Variants in APBA1 observed in about 807,000 individuals in gnomAD.
APBA1 encodes amyloid-beta A4 precursor protein-binding family A member 1.
Under a neutral mutation model 86.6 loss-of-function variants are expected in APBA1, and 55 were observed. That is an observed-to-expected ratio of 0.64 (90% CI 0.51 to 0.80). The LOEUF is 0.80. APBA1 is among the 30% of genes least tolerant of loss of function. The pLI is 0.00. For synonymous variants in APBA1, 511 were observed against 493.9 expected (o/e 1.03, Z -0.46); for missense variants, 1,090 against 1,183.0 (o/e 0.92, Z 1.15).
At chr9:69,617,804 A>G (rs780053444) in intron 1 of APBA1, among the ~76,000 whole-genome samples, 11 of 152,296 alleles carry the variant, frequency 7.2e-5, no homozygotes, top group Non-Finnish European at 1.5e-4. Flanking sequence ...TTAGATATAC[A>G]ATGGCATTAT....
intron 1 of APBA1, among the ~76,000 whole-genome samples, chr9:69,538,500 G>A (rs1285764037): frequency 6.6e-6 from 1 of 152,202 alleles, no homozygotes; most frequent in African/African-American, 2.4e-5. Context: ...TTTAGGAGAT[G>A]AGAACTCAAG....
chr9:69,572,091 T>A (rs1564080786), intron 1 of APBA1, among the ~76,000 whole-genome samples: 1 of 152,232 alleles, frequency 6.6e-6, no homozygotes, highest in Non-Finnish European at 1.5e-5. Flanking sequence ...AAATTTGATT[T>A]ATTTTTTAAA....
intron 1 of APBA1, among the ~76,000 whole-genome samples, chr9:69,652,421 G>A (rs1014632274): frequency 6.6e-6 from 1 of 152,126 alleles, no homozygotes; most frequent in African/African-American, 2.4e-5. Context: ...CATGTCTACT[G>A]CCAACCAAAT....
At chr9:69,493,976 TAA>T (rs1423408608) in intron 2 of APBA1, among the ~76,000 whole-genome samples, 2 of 152,088 alleles carry the variant, frequency 1.3e-5, no homozygotes, top group African/African-American at 2.4e-5. Flanking sequence ...AAATATATGA[TAA>T]GTTTTTTTTT....
intron 1 of APBA1, among the ~76,000 whole-genome samples, chr9:69,651,868 C>T (rs1823509846): frequency 1.3e-5 from 2 of 152,198 alleles, no homozygotes; most frequent in Non-Finnish European, 2.9e-5. Flanking sequence ...ACACACCAAA[C>T]CAAATATTAA....
chr9:69,568,454 TA>T (rs1690837544), intron 1 of APBA1, among the ~76,000 whole-genome samples: 1 of 152,200 alleles, frequency 6.6e-6, no homozygotes, highest in Non-Finnish European at 1.5e-5. Context: ...ACTACAAAAA[TA>T]CAGCCAGAAT....
At chr9:69,461,095 T>C (rs569828962) in intron 5 of APBA1, 2 of 152,328 alleles carry the variant, frequency 1.3e-5, no homozygotes, top group South Asian at 2.1e-4. Context: ...TTTAAATCAC[T>C]CATGATATCC....
chr9:69,594,841 G>T (rs1405703594), intron 1 of APBA1, among the ~76,000 whole-genome samples: 4 of 152,070 alleles, frequency 2.6e-5, no homozygotes, highest in Admixed American at 2.6e-4. Context: ...ATAATGTTTT[G>T]GAGTCTGACA....
chr9:69,499,846 C>T lies in APBA1; in HGVS notation c.1200+16165G>A, dbSNP rs563313629. ...TACACATGATCAGGGCAAGAGTTCA[C>T]ACCAAGCCCTTACTTCTCAGGATTT... On this transcript the variant is annotated intron_variant, in intron 2 of 12. Transcript: ENST00000265381. Among the ~76,000 whole-genome samples the T allele has an allele frequency of 2.6e-5, 4 of 152,056 alleles. No homozygotes were observed. The South Asian group carries it at 8.3e-4, about 32-fold the overall frequency.
At chr9:69,638,046 T>C (rs1026029254) in intron 1 of APBA1, among the ~76,000 whole-genome samples, 10 of 152,210 alleles carry the variant, frequency 6.6e-5, no homozygotes, top group African/African-American at 1.9e-4. Flanking sequence ...CTGAGCAGCA[T>C]TGGCAACCTC....
chr9:69,595,442 C>T (rs1822208476), intron 1 of APBA1, among the ~76,000 whole-genome samples: 1 of 152,066 alleles, frequency 6.6e-6, no homozygotes, highest in South Asian at 2.1e-4. Flanking sequence ...TGTCTGGTGC[C>T]CCCTGCTCTC....
chr9:69,606,019 T>C (rs1456911691), intron 1 of APBA1, among the ~76,000 whole-genome samples: 3 of 152,222 alleles, frequency 2.0e-5, no homozygotes, highest in Non-Finnish European at 2.9e-5. Flanking sequence ...AGGAAGAATA[T>C]AGGCAGAGTC....
intron 1 of APBA1, among the ~76,000 whole-genome samples, chr9:69,671,937 G>T (rs1823957470): frequency 1.3e-5 from 2 of 152,262 alleles, no homozygotes; most frequent in Admixed American, 1.3e-4. Flanking sequence ...CGGACCCCAG[G>T]CGTCTCGCTC....
chr9:69,624,083 C>T (rs775072838), intron 1 of APBA1, among the ~76,000 whole-genome samples: 7 of 151,944 alleles, frequency 4.6e-5, no homozygotes, highest in South Asian at 2.1e-4. Flanking sequence ...CTGAGGATTC[C>T]GAATATGAAA....
rs1266481429 is a variant in APBA1 at position 69,431,141 on chromosome 9, G to GGAA, written c.*185_*186insTTC. 31 of 285,150 alleles carry GGAA rather than the reference G, an allele frequency of 1.1e-4. No homozygotes were observed. Among genetic ancestry groups the GGAA allele is most frequent in the African/African-American group, 8.0e-4 (24 of 30,056 alleles). The allele number at this position is 285,150 out of a possible 1,614,324, so 17.7% of individuals were successfully genotyped here. A position where few individuals can be genotyped will look rare whatever the true frequency, so the allele number is the denominator to read the frequency against. On this transcript the variant is annotated 3_prime_UTR_variant, in exon 13 of 13. Coordinates refer to ENST00000265381, the MANE Select transcript of APBA1 (RefSeq NM_001163.4). ...GTGCATACGAAACTTCCCTGGTATT[G>GGAA]AAAAAAAAAAAAAAAAAAAAGCAAA...
chr9:69,459,301 G>C (rs1835152945), intron 5 of APBA1, among the ~76,000 whole-genome samples: 2 of 152,198 alleles, frequency 1.3e-5, no homozygotes, highest in African/African-American at 2.4e-5. Flanking sequence ...ATGACAATTA[G>C]GTCAATTAAG....
intron 2 of APBA1, among the ~76,000 whole-genome samples, chr9:69,476,643 T>C (rs1467184875): frequency 1.3e-5 from 2 of 152,228 alleles, no homozygotes; most frequent in Non-Finnish European, 2.9e-5. Flanking sequence ...TCCTAGTCAA[T>C]TCAGATTTCA....
At chr9:69,569,446 TGA>T (rs1554702321) in intron 1 of APBA1, among the ~76,000 whole-genome samples, 1 of 80,070 alleles carries the variant, frequency 1.2e-5, no homozygotes, top group African/African-American at 4.8e-5. Context: ...TTGTCACGTG[TGA>T]GTGTGTGTGT....
intron 11 of APBA1, among the ~76,000 whole-genome samples, chr9:69,440,196 G>T (rs149519787): frequency 2.0e-5 from 3 of 152,174 alleles, no homozygotes; most frequent in South Asian, 2.1e-4. Context: ...TGCTCCTACT[G>T]GGGGGTGCCT....
Sources: allele counts gnomAD v4.1 joint callset (sites outside exome capture counted in the v4.1 genomes callset), GRCh38; gene constraint gnomAD v4.1.1; transcripts MANE v1.5; gene names NCBI Gene and HGNC (gene_info 2026-07-23, HGNC 2026-07-21).